SLC9D1: variants seen among roughly 807,000 people sequenced by gnomAD.
SLC9D1 encodes putative LAG1-interacting protein.
chr13:113,545,175 A>C, the SLC9D1 span, among the ~76,000 whole-genome samples: 1 of 152,364 alleles, frequency 6.6e-6, no homozygotes, highest in East Asian at 1.9e-4. Flanking sequence ...GTGCCTGTGC[A>C]GGCAGCGTCC....
chr13:113,549,542 C>A, the SLC9D1 span: 3 of 1,614,016 alleles, frequency 1.9e-6, no homozygotes, highest in Non-Finnish European at 2.5e-6. Flanking sequence ...CCTCTGATGG[C>A]TCGGAGATGA....
At chr13:113,502,073 G>A in the SLC9D1 span, among the ~76,000 whole-genome samples, 4 of 152,168 alleles carry the variant, frequency 2.6e-5, no homozygotes, top group Non-Finnish European at 4.4e-5. Flanking sequence ...GTGAAGGGGC[G>A]GTGTTACTGG....
chr13:113,536,592 G>A, the SLC9D1 span: 1 of 984,996 alleles, frequency 1.0e-6, no homozygotes, highest in African/African-American at 1.7e-5. Flanking sequence ...TGCCCTCCCA[G>A]TGGCTTCTTC....
the SLC9D1 span, among the ~76,000 whole-genome samples, chr13:113,532,305 A>G: frequency 6.6e-6 from 1 of 152,220 alleles, no homozygotes; most frequent in African/African-American, 2.4e-5. Flanking sequence ...GTGAGCCCCC[A>G]GACGCACAGG....
the SLC9D1 span, chr13:113,510,432 A>G: frequency 6.2e-7 from 1 of 1,609,314 alleles, no homozygotes; most frequent in Non-Finnish European, 8.5e-7. Context: ...AAGGTAGGTG[A>G]CGGCATGTTC....
At chr13:113,496,041 GGAGAGAGAGAGAGAGGGAGA>G in the SLC9D1 span, 1 of 1,507,564 alleles carries the variant, frequency 6.6e-7, no homozygotes, top group East Asian at 2.4e-5. Flanking sequence ...TCCTAGAGAG[GGAGAGAGAGAGAGAGGGAGA>G]GGGAGAGAGA....
the SLC9D1 span, chr13:113,499,899 T>A: frequency 9.2e-7 from 1 of 1,087,672 alleles, no homozygotes; most frequent in Non-Finnish European, 1.2e-6. Flanking sequence ...TAGCGTTCAT[T>A]CTCCAAAAAT....
At chr13:113,501,849 T>G in the SLC9D1 span, 1 of 1,612,050 alleles carries the variant, frequency 6.2e-7, no homozygotes, top group Non-Finnish European at 8.5e-7. Flanking sequence ...TGTGGTGTAC[T>G]TCTGGGACCT....
chr13:113,548,806 G>A, the SLC9D1 span, among the ~76,000 whole-genome samples: 1 of 152,228 alleles, frequency 6.6e-6, no homozygotes, highest in South Asian at 2.1e-4. Flanking sequence ...TGCCCGGAGA[G>A]CTGGGTGGAG....
the SLC9D1 span, chr13:113,534,249 C>T: frequency 6.3e-7 from 1 of 1,599,616 alleles, no homozygotes; most frequent in East Asian, 2.2e-5. Flanking sequence ...CGGTAATTCT[C>T]AAACTATGTG....
At chr13:113,540,149 A>G in the SLC9D1 span, among the ~76,000 whole-genome samples, 31 of 152,278 alleles carry the variant, frequency 2.0e-4, no homozygotes, top group Middle Eastern at 3.4e-3. Flanking sequence ...GGAATTCACA[A>G]TCTGGGCCGA....
the SLC9D1 span, among the ~76,000 whole-genome samples, chr13:113,524,768 C>A: frequency 8.6e-5 from 13 of 151,720 alleles, no homozygotes; most frequent in Non-Finnish European, 1.8e-4. Flanking sequence ...TCAACTTATG[C>A]CCTTGTATTT....
chr13:113,511,219 A>G, the SLC9D1 span, among the ~76,000 whole-genome samples: 2 of 152,070 alleles, frequency 1.3e-5, no homozygotes, highest in South Asian at 2.1e-4. Flanking sequence ...TTTTGCTCTT[A>G]TTTTGTAAAA....
chr13:113,501,668 G>C, the SLC9D1 span: 1 of 1,087,480 alleles, frequency 9.2e-7, no homozygotes, highest in Non-Finnish European at 1.4e-6. Flanking sequence ...GGGGAACTAC[G>C]TCCTGTTCTG....
At chr13:113,542,833 G>A in the SLC9D1 span, among the ~76,000 whole-genome samples, 1 of 152,118 alleles carries the variant, frequency 6.6e-6, no homozygotes, top group African/African-American at 2.4e-5. Flanking sequence ...ATTTTATGTG[G>A]AAATTTGAAG....
chr13:113,495,720 C>G, the SLC9D1 span: 5 of 1,613,318 alleles, frequency 3.1e-6, no homozygotes, highest in Non-Finnish European at 4.2e-6. Context: ...CATGCAGAGC[C>G]GGCAGTGGGT....
At chr13:113,497,455 G>A in the SLC9D1 span, among the ~76,000 whole-genome samples, 18 of 148,304 alleles carry the variant, frequency 1.2e-4, 1 homozygote, top group South Asian at 4.3e-4. Context: ...ACCTGCAGCT[G>A]TATGAGACCT....
the SLC9D1 span, among the ~76,000 whole-genome samples, chr13:113,515,783 CAA>C: frequency 6.7e-6 from 1 of 148,572 alleles, no homozygotes; most frequent in African/African-American, 2.5e-5. Flanking sequence ...CCCAGCCACT[CAA>C]GAGGCTGAGG....
chr13:113,496,045 A>C, the SLC9D1 span: 3 of 1,486,126 alleles, frequency 2.0e-6, no homozygotes, highest in East Asian at 7.2e-5. Context: ...AGAGAGGGAG[A>C]GAGAGAGAGA....
Sources: gnomAD v4.1 joint callset for allele counts (sites outside exome capture counted in the v4.1 genomes callset) on GRCh38, gnomAD v4.1.1 for gene constraint, MANE v1.5 for transcripts, NCBI Gene and HGNC (gene_info 2026-07-23, HGNC 2026-07-21) for gene names.